Variants in PXYLP1 observed in about 807,000 individuals in gnomAD.
The protein encoded by PXYLP1 is acid phosphatase-like 2.
PXYLP1 carries 17 observed loss-of-function variants against 37.9 expected under a neutral mutation model. The ratio of observed to expected loss-of-function variants is 0.45; its 90% confidence interval spans 0.31 to 0.67. PXYLP1 has a LOEUF of 0.67. PXYLP1 is among the 30% of genes least tolerant of loss of function. The pLI, the probability that PXYLP1 is intolerant of heterozygous loss-of-function variation, is 0.07. For missense variants in PXYLP1, 511 were observed against 612.0 expected (o/e 0.84, Z 1.74); for synonymous variants, 221 against 232.2 (o/e 0.95, Z 0.44).
At chr3:141,243,856 A>T (rs1362626529) in intron 1 of PXYLP1, among the ~76,000 whole-genome samples, 1 of 152,200 alleles carries the variant, frequency 6.6e-6, no homozygotes, top group Admixed American at 6.5e-5. Context: ...GGTCTCTATA[A>T]TTTATCATGT....
intron 1 of PXYLP1, among the ~76,000 whole-genome samples, chr3:141,233,205 C>A (rs1012282626): frequency 6.6e-6 from 1 of 152,124 alleles, no homozygotes; most frequent in Admixed American, 6.5e-5. Context: ...CGGTGGCTCA[C>A]GCCTGTAATC....
chr3:141,287,564 A>T, intron 5 of PXYLP1, 111 bp downstream of exon 5: 1 of 1,312,834 alleles, frequency 7.6e-7, no homozygotes, highest in Non-Finnish European at 1.0e-6. Flanking sequence ...GGGGTAAGCA[A>T]GGACTGGCTC....
At chr3:141,242,769 A>AC (rs1940841177) in intron 1 of PXYLP1, among the ~76,000 whole-genome samples, 1 of 152,186 alleles carries the variant, frequency 6.6e-6, no homozygotes, top group Admixed American at 6.5e-5. Flanking sequence ...CGAAATCATG[A>AC]CTGTCTTATG....
intron 2 of PXYLP1, chr3:141,273,518 TG>T (rs1241886229): frequency 1.0e-6 from 1 of 978,660 alleles, no homozygotes; most frequent in Admixed American, 6.2e-5. Context: ...TGGGGAAGGG[TG>T]GTGGGGAGGG....
intron 1 of PXYLP1, among the ~76,000 whole-genome samples, chr3:141,250,270 T>C (rs1941112342): frequency 6.6e-6 from 1 of 152,252 alleles, no homozygotes; most frequent in Non-Finnish European, 1.5e-5. Flanking sequence ...ATTATGACTG[T>C]ATGTGTTTTG....
At chr3:141,271,273 TA>T (rs1941656312) in intron 2 of PXYLP1, among the ~76,000 whole-genome samples, 1 of 152,158 alleles carries the variant, frequency 6.6e-6, no homozygotes, top group African/African-American at 2.4e-5. Flanking sequence ...TTTGTAATAC[TA>T]TAGCTCATTT....
chr3:141,233,917 G>A (rs533940671), intron 1 of PXYLP1, among the ~76,000 whole-genome samples: 3 of 152,112 alleles, frequency 2.0e-5, no homozygotes, highest in African/African-American at 4.8e-5. Context: ...TCCCTACACC[G>A]CTCTGTGATG....
intron 2 of PXYLP1, among the ~76,000 whole-genome samples, chr3:141,276,004 T>C (rs78782122): frequency 0.02 from 3,038 of 152,338 alleles, 82 homozygotes; most frequent in East Asian, 0.1. Context: ...AGTCGAGATA[T>C]GTTTAGATAC....
intron 2 of PXYLP1, among the ~76,000 whole-genome samples, chr3:141,266,256 T>G (rs1941508581): frequency 6.6e-6 from 1 of 152,220 alleles, no homozygotes; most frequent in Non-Finnish European, 1.5e-5. Context: ...CATGTAAACT[T>G]CCAGCTCCTC....
intron 1 of PXYLP1, among the ~76,000 whole-genome samples, chr3:141,259,656 ATTG>A (rs1299503793): frequency 6.6e-6 from 1 of 152,168 alleles, no homozygotes; most frequent in Non-Finnish European, 1.5e-5. Flanking sequence ...TGTTGTGATG[ATTG>A]TTGTTCAGAT....
intron 1 of PXYLP1, among the ~76,000 whole-genome samples, chr3:141,244,112 A>G (rs1296661570): frequency 6.6e-6 from 1 of 152,238 alleles, no homozygotes; most frequent in Non-Finnish European, 1.5e-5. Flanking sequence ...CAGTACAGCT[A>G]TAACCACTCA....
At chr3:141,278,625 C>T in intron 3 of PXYLP1, 125 bp downstream of exon 3, 1 of 1,237,474 alleles carries the variant, frequency 8.1e-7, no homozygotes, top group Non-Finnish European at 1.1e-6. Context: ...AGGCTGTGCC[C>T]TTGAATGAGT....
chr3:141,281,068 A>G (rs999754179), intron 4 of PXYLP1, among the ~76,000 whole-genome samples: 2 of 152,248 alleles, frequency 1.3e-5, no homozygotes, highest in Non-Finnish European at 2.9e-5. Context: ...TATATGCCAT[A>G]TTTAGTAAAT....
At chr3:141,280,458 C>A (rs975632063) in intron 4 of PXYLP1, among the ~76,000 whole-genome samples, 3 of 152,250 alleles carry the variant, frequency 2.0e-5, no homozygotes, top group African/African-American at 7.2e-5. Flanking sequence ...GGCCTGGCTG[C>A]CTCTGCCCTC....
intron 4 of PXYLP1, among the ~76,000 whole-genome samples, chr3:141,283,857 T>A (rs1942011496): frequency 6.6e-6 from 1 of 151,776 alleles, no homozygotes; most frequent in Non-Finnish European, 1.5e-5. Flanking sequence ...GGATTAGCCT[T>A]GGGGTTCAGC....
intron 2 of PXYLP1, among the ~76,000 whole-genome samples, chr3:141,277,195 G>A (rs1403052034): frequency 6.6e-6 from 1 of 152,074 alleles, no homozygotes; most frequent in Non-Finnish European, 1.5e-5. Flanking sequence ...AGAAGAATTT[G>A]TAGAAGTAAT....
chr3:141,260,726 C>A (rs911371673), intron 2 of PXYLP1, among the ~76,000 whole-genome samples: 1 of 152,236 alleles, frequency 6.6e-6, no homozygotes, highest in Non-Finnish European at 1.5e-5. Context: ...TGTGACGAGA[C>A]AGGAGGACTC....
intron 1 of PXYLP1, among the ~76,000 whole-genome samples, chr3:141,259,709 G>A (rs1157106080): frequency 2.0e-5 from 3 of 152,174 alleles, no homozygotes; most frequent in Admixed American, 1.3e-4. Flanking sequence ...CATTTCAGCA[G>A]AATGTCCACC....
intron 2 of PXYLP1, among the ~76,000 whole-genome samples, chr3:141,269,005 A>G (rs1288785699): frequency 6.6e-6 from 1 of 152,180 alleles, no homozygotes; most frequent in Non-Finnish European, 1.5e-5. Context: ...CTAGGTATCT[A>G]CCAGAGGGTG....
Sources: gnomAD v4.1 joint callset for allele counts (sites outside exome capture counted in the v4.1 genomes callset) on GRCh38, gnomAD v4.1.1 for gene constraint, MANE v1.5 for transcripts, NCBI Gene and HGNC (gene_info 2026-07-23, HGNC 2026-07-21) for gene names.